TCERG1L: variants seen among roughly 807,000 people sequenced by gnomAD.
TCERG1L encodes the protein transcription elongation regulator 1-like protein.
TCERG1L carries 37 observed loss-of-function variants against 56.3 expected under a neutral mutation model. The ratio of observed to expected loss-of-function variants is 0.66; its 90% CI spans 0.51 to 0.87. The LOEUF is 0.87. TCERG1L is among the 40% of genes least tolerant of loss of function. TCERG1L has a pLI of 0.00. For synonymous variants in TCERG1L, 324 were observed against 326.3 expected, an observed-to-expected ratio of 0.99 and a Z score of 0.08; for missense variants, 799 against 774.2, an observed-to-expected ratio of 1.03 and a Z score of -0.38.
At chr10:131,133,480 C>T (rs1278222538) in intron 8 of TCERG1L, among the ~76,000 whole-genome samples, 1 of 152,088 alleles carries the variant, frequency 6.6e-6, no homozygotes, top group African/African-American at 2.4e-5. Flanking sequence ...GTGGCAGGAC[C>T]CAGGGTCCAG....
intron 4 of TCERG1L, among the ~76,000 whole-genome samples, chr10:131,232,870 C>T (rs192795993): frequency 6.6e-6 from 1 of 152,338 alleles, no homozygotes; most frequent in East Asian, 1.9e-4. Flanking sequence ...ATCTTCAAAA[C>T]TCAAGGTGTG....
intron 6 of TCERG1L, among the ~76,000 whole-genome samples, chr10:131,151,295 AAAGC>A (rs1845863399): frequency 6.6e-6 from 1 of 152,190 alleles, no homozygotes; most frequent in African/African-American, 2.4e-5. Context: ...TGTAAAATCA[AAAGC>A]AAGTTAGTTA....
intron 4 of TCERG1L, among the ~76,000 whole-genome samples, chr10:131,257,424 C>G (rs774694509): frequency 5.9e-5 from 9 of 152,206 alleles, no homozygotes; most frequent in African/African-American, 7.2e-5. Context: ...CTTAGGTAAG[C>G]TAAATCTAGT....
Position 131,257,421 on chromosome 10 carries a change from A to T in TCERG1L, c.856+2838T>A, listed in dbSNP as rs976883179. ...TTAAGTATTATGTGGCATCTTAGGT[A>T]AGCTAAATCTAGTGCAAGGCACCGA... On this transcript the variant is annotated intron_variant, in intron 4 of 11. Transcript: ENST00000368642. Among the ~76,000 whole-genome samples, 12 of 152,204 alleles carry T rather than the reference A, an allele frequency of 7.9e-5. 1 individual carries two copies.
At position 131,122,764 on chromosome 10, in the gene TCERG1L, T is replaced by C. The variant is rs564421040; in HGVS notation, c.1260-5830A>G. 1.4e-4 allele frequency among the ~76,000 whole-genome samples: 21 copies of C among 152,274 alleles called. No homozygotes were observed. The East Asian group carries it at 3.5e-3, about 25-fold the overall frequency. On this transcript the variant is annotated intron_variant, in intron 8 of 11. Transcript: ENST00000368642. ...ATAATTTGTAACCAAGTCAGACAGA[T>C]GTGAGGGTAGACTGGGGACCCACTT...
chr10:131,309,575 A>T (rs1048402782), intron 1 of TCERG1L, among the ~76,000 whole-genome samples: 5 of 152,210 alleles, frequency 3.3e-5, no homozygotes, highest in African/African-American at 1.2e-4. Context: ...GCACGCAGTA[A>T]GAAATGGGTT....
At chr10:131,234,050 G>A (rs1845885939) in intron 4 of TCERG1L, among the ~76,000 whole-genome samples, 1 of 152,162 alleles carries the variant, frequency 6.6e-6, no homozygotes, top group Admixed American at 6.5e-5. Context: ...GAAAGCCCTG[G>A]CCAGAAGCCA....
intron 4 of TCERG1L, among the ~76,000 whole-genome samples, chr10:131,170,448 A>T (rs1437812995): frequency 6.6e-6 from 1 of 151,684 alleles, no homozygotes; most frequent in Non-Finnish European, 1.5e-5. Context: ...CCTCCGAGAG[A>T]GGCACGGCGG....
intron 9 of TCERG1L, among the ~76,000 whole-genome samples, chr10:131,110,689 G>A (rs1475671921): frequency 1.3e-5 from 2 of 152,196 alleles, no homozygotes; most frequent in Non-Finnish European, 2.9e-5. Flanking sequence ...CAACGCCAGG[G>A]AAAACTAGAT....
At chr10:131,202,075 G>A (rs1039707250) in intron 4 of TCERG1L, among the ~76,000 whole-genome samples, 18 of 152,198 alleles carry the variant, frequency 1.2e-4, no homozygotes, top group Non-Finnish European at 1.8e-4. Context: ...CTAATTAAGA[G>A]TCTCGATTTA....
intron 9 of TCERG1L, among the ~76,000 whole-genome samples, chr10:131,111,168 C>A (rs1402253163): frequency 7.0e-6 from 1 of 143,146 alleles, no homozygotes; most frequent in South Asian, 2.6e-4. Flanking sequence ...AAGCTGGAGC[C>A]ATGCCCGCTC....
intron 4 of TCERG1L, among the ~76,000 whole-genome samples, chr10:131,249,747 C>T (rs1030935617): frequency 6.6e-6 from 1 of 152,180 alleles, no homozygotes; most frequent in Admixed American, 6.5e-5. Context: ...ATGGGTACGA[C>T]GGCCACACTC....
At chr10:131,160,916 GC>G (rs1471445469) in intron 6 of TCERG1L, 1 of 152,172 alleles carries the variant, frequency 6.6e-6, no homozygotes, top group African/African-American at 2.4e-5. Flanking sequence ...TCCCTGCAAC[GC>G]CCCAGGGGAG....
intron 4 of TCERG1L, among the ~76,000 whole-genome samples, chr10:131,174,920 C>T (rs1846131390): frequency 2.0e-5 from 3 of 152,086 alleles, no homozygotes; most frequent in South Asian, 2.1e-4. Flanking sequence ...TGAACCCACC[C>T]CTCTAATAGG....
At chr10:131,170,206 T>C (rs1224788165) in intron 4 of TCERG1L, among the ~76,000 whole-genome samples, 2 of 152,128 alleles carry the variant, frequency 1.3e-5, no homozygotes, top group African/African-American at 4.8e-5. Flanking sequence ...TGGGTCTGCG[T>C]GTCAGCCATT....
At chr10:131,284,928 T>A (rs930663424) in intron 3 of TCERG1L, among the ~76,000 whole-genome samples, 2 of 152,170 alleles carry the variant, frequency 1.3e-5, no homozygotes, top group East Asian at 3.9e-4. Context: ...GAGGTTCTTA[T>A]ATTTTAAGAG....
intron 4 of TCERG1L, among the ~76,000 whole-genome samples, chr10:131,175,978 T>C (rs1300731924): frequency 6.6e-6 from 1 of 152,204 alleles, no homozygotes; most frequent in East Asian, 1.9e-4. Context: ...CATTTCACAG[T>C]ACCAGGCTGA....
At chr10:131,293,442 C>T (rs1408350304) in intron 3 of TCERG1L, among the ~76,000 whole-genome samples, 4 of 152,060 alleles carry the variant, frequency 2.6e-5, no homozygotes, top group Non-Finnish European at 5.9e-5. Flanking sequence ...GACCATAAGC[C>T]CCAAATAACA....
intron 4 of TCERG1L, among the ~76,000 whole-genome samples, chr10:131,216,368 G>A (rs919327941): frequency 6.6e-6 from 1 of 152,122 alleles, no homozygotes; most frequent in African/African-American, 2.4e-5. Context: ...ATCTACTGTC[G>A]CAGATCCTAC....
Sources: gnomAD v4.1 joint callset for allele counts (sites outside exome capture counted in the v4.1 genomes callset) on GRCh38, gnomAD v4.1.1 for gene constraint, MANE v1.5 for transcripts, NCBI Gene and HGNC (gene_info 2026-07-23, HGNC 2026-07-21) for gene names.